The following CLMN variants were observed in gnomAD, a reference collection of about 807,000 sequenced individuals.
CLMN encodes calmin, also known as calmin (calponin-like, transmembrane).
Under a neutral mutation model 92.7 loss-of-function variants are expected in CLMN, and 57 were observed. That is an observed-to-expected ratio of 0.61 (90% confidence interval 0.50 to 0.77). CLMN has a LOEUF of 0.77. CLMN is among the 30% of genes least tolerant of loss of function. The pLI is 0.00. For missense variants in CLMN, 1,158 were observed against 1,237.5 expected (o/e 0.94, Z 0.96); for synonymous variants, 466 against 470.6 (o/e 0.99, Z 0.13).
chr14:95,286,093 A>T (rs1900330773), intron 1 of CLMN, among the ~76,000 whole-genome samples: 1 of 152,316 alleles, frequency 6.6e-6, no homozygotes, highest in Non-Finnish European at 1.5e-5. Context: ...TGGCTATTTG[A>T]TATTAAGGAT....
chr14:95,204,262 G>T lies in CLMN; in HGVS notation c.1087C>A (p.Arg363Ser). The stretch of plus-strand genomic sequence containing the variant: ...GCATGGCTGGAAACACCATCCAGGC[G>T]GAATTCCTTCATGCTCTCGGGCTTG... ...CDKPESMKEFRLDGVSSHALS... is the reference protein window; with the variant it reads ...CDKPESMKEFSLDGVSSHALS... The change falls in exon 9 of 13, where the codon CGC becomes AGC. Residue 363 changes from arginine to serine, a missense_variant. Transcript: ENST00000298912. The T allele has an allele frequency of 6.2e-7, 1 of 1,614,060 alleles. No individual in the cohort carries two copies. The highest frequency in any genetic ancestry group is 1.1e-5 in the South Asian group (1 of 91,058).
At chr14:95,279,948 T>G (rs1267261120) in intron 1 of CLMN, among the ~76,000 whole-genome samples, 1 of 151,586 alleles carries the variant, frequency 6.6e-6, no homozygotes, top group Non-Finnish European at 1.5e-5. Flanking sequence ...GGTAAAAGAT[T>G]ATAAGGCATC....
chr14:95,267,599 A>G (rs1158636894), intron 1 of CLMN, among the ~76,000 whole-genome samples: 1 of 152,200 alleles, frequency 6.6e-6, no homozygotes. Context: ...GTAAATTAAC[A>G]CAGCCACTAT....
rs575189194 is a variant in CLMN at position 95,307,038 on chromosome 14, A to G, written c.82+12673T>C. ...AGGGGCTGGGGTCTCACTGTTTTCC[A>G]TACAAACCTTAAAGAAAAGGCAAGG... On this transcript the variant is annotated intron_variant, in intron 1 of 12. Coordinates refer to ENST00000298912, the MANE Select transcript of CLMN (RefSeq NM_024734.4). Among the ~76,000 whole-genome samples, 126 of 152,330 alleles carry G rather than the reference A, an allele frequency of 8.3e-4. 1 individual carries two copies. In the South Asian group the frequency reaches 0.012, roughly 14 times the overall value.
intron 1 of CLMN, among the ~76,000 whole-genome samples, chr14:95,269,195 AT>A (rs1358942380): frequency 6.6e-6 from 1 of 152,164 alleles, no homozygotes; most frequent in African/African-American, 2.4e-5. Flanking sequence ...AATCAAATAT[AT>A]GCCTGTGCTT....
intron 5 of CLMN, 87 bp downstream of exon 5, chr14:95,215,554 C>T (rs572468308): frequency 1.4e-5 from 16 of 1,106,220 alleles, no homozygotes; most frequent in Non-Finnish European, 1.4e-6. Context: ...GCCTCACTGC[C>T]TCCCTTAATC....
At chr14:95,307,019 T>C (rs1261561896) in intron 1 of CLMN, among the ~76,000 whole-genome samples, 1 of 152,206 alleles carries the variant, frequency 6.6e-6, no homozygotes, top group Admixed American at 6.5e-5. Flanking sequence ...GGAAAGGGGC[T>C]GGGGTCTCAC....
chr14:95,314,914 T>G (rs942370313), intron 1 of CLMN, among the ~76,000 whole-genome samples: 1 of 152,182 alleles, frequency 6.6e-6, no homozygotes, highest in Admixed American at 6.5e-5. Context: ...ACCTGTGCAT[T>G]TGGTTTTCTT....
chr14:95,280,777 T>G (rs966947263), intron 1 of CLMN, among the ~76,000 whole-genome samples: 3 of 152,216 alleles, frequency 2.0e-5, no homozygotes, highest in African/African-American at 7.2e-5. Context: ...GTTATTGGTA[T>G]GTGTTCCAAA....
chr14:95,289,308 T>C (rs1275514010), intron 1 of CLMN, among the ~76,000 whole-genome samples: 3 of 152,128 alleles, frequency 2.0e-5, no homozygotes, highest in Middle Eastern at 3.4e-3. Flanking sequence ...CTGGGCAACA[T>C]GGTGAAACTC....
chr14:95,218,208 T>C (rs578138194), intron 4 of CLMN, among the ~76,000 whole-genome samples: 1 of 152,326 alleles, frequency 6.6e-6, no homozygotes, highest in East Asian at 1.9e-4. Flanking sequence ...TGTAGGGTGA[T>C]AACTCAGGGG....
At chr14:95,202,782 G>C in intron 9 of CLMN, 56 bp downstream of exon 9, 1 of 1,477,664 alleles carries the variant, frequency 6.8e-7, no homozygotes, top group East Asian at 2.3e-5. Context: ...TTCAGACAAA[G>C]AACTATCAAG....
rs1240638965 is a variant in CLMN at position 95,259,461 on chromosome 14, C to A, written c.83-29328G>T. Among the ~76,000 whole-genome samples, 5 of 152,112 alleles carry A rather than the reference C, an allele frequency of 3.3e-5. No individual in the cohort carries two copies. The highest frequency in any genetic ancestry group is 1.3e-4 in the Admixed American group (2 of 15,276). ...CACTTTATGAGGACACGGAGGAAAC[C>A]CCCACCCACCTCTTCCTGGGCCCCT... is the stretch of plus-strand genomic sequence containing the variant. On this transcript the variant is annotated intron_variant, in intron 1 of 12. Transcript: ENST00000298912. This position sits in a 1 kb window ranked among gnomAD's most constrained non-coding sequence, Gnocchi z 4.3.
intron 2 of CLMN, among the ~76,000 whole-genome samples, chr14:95,229,492 A>G (rs1052077783): frequency 1.3e-5 from 2 of 152,200 alleles, no homozygotes; most frequent in African/African-American, 4.8e-5. Context: ...AAGTTCAGGA[A>G]AGCCACATTA....
intron 1 of CLMN, among the ~76,000 whole-genome samples, chr14:95,300,823 G>A (rs1901020376): frequency 6.6e-6 from 1 of 152,364 alleles, no homozygotes; most frequent in African/African-American, 2.4e-5. Context: ...CCATGGAGCA[G>A]AGACTAGGTC....
chr14:95,306,649 C>G (rs182830091), intron 1 of CLMN, among the ~76,000 whole-genome samples: 264 of 152,248 alleles, frequency 1.7e-3, no homozygotes, highest in African/African-American at 6.1e-3. Flanking sequence ...ACCCCACGAC[C>G]AACAGCAACA....
At chr14:95,291,259 G>A (rs1443592400) in intron 1 of CLMN, among the ~76,000 whole-genome samples, 1 of 152,224 alleles carries the variant, frequency 6.6e-6, no homozygotes, top group African/African-American at 2.4e-5. Flanking sequence ...CGCCATCCAG[G>A]AAACCACCTG....
intron 1 of CLMN, among the ~76,000 whole-genome samples, chr14:95,305,573 T>A (rs1341104396): frequency 6.6e-6 from 1 of 152,180 alleles, no homozygotes; most frequent in Admixed American, 6.5e-5. Flanking sequence ...GATCAGCCCA[T>A]GAGGAATGAT....
At chr14:95,312,377 C>T (rs533233374) in intron 1 of CLMN, among the ~76,000 whole-genome samples, 3 of 152,308 alleles carry the variant, frequency 2.0e-5, no homozygotes, top group Admixed American at 6.5e-5. Flanking sequence ...AAACGTACCC[C>T]AGGCAGTCTG....
Sources: allele counts gnomAD v4.1 joint callset (sites outside exome capture counted in the v4.1 genomes callset), GRCh38; gene constraint gnomAD v4.1.1; non-coding constraint Gnocchi (gnomAD v3.1); transcripts MANE v1.5; gene names NCBI Gene and HGNC (gene_info 2026-07-23, HGNC 2026-07-21).